LRMDA: variants seen among roughly 807,000 people sequenced by gnomAD.
LRMDA encodes the protein leucine-rich melanocyte differentiation-associated protein.
Under a neutral mutation model 29.8 loss-of-function variants are expected in LRMDA, and 18 were observed. The ratio of observed to expected loss-of-function variants is 0.60; its 90% CI spans 0.42 to 0.90. LRMDA has a LOEUF of 0.90. LRMDA is among the 40% of genes least tolerant of loss of function. The pLI, the probability that LRMDA is intolerant of heterozygous loss-of-function variation, is 0.00. For synonymous variants in LRMDA, 125 were observed against 109.4 expected (o/e 1.14, Z -0.89); for missense variants, 273 against 273.9 (o/e 1.00, Z 0.02).
intron 6 of LRMDA, among the ~76,000 whole-genome samples, chr10:76,329,447 T>G (rs1241977323): frequency 6.6e-6 from 1 of 152,236 alleles, no homozygotes; most frequent in East Asian, 1.9e-4. Context: ...TATGCCATAG[T>G]TAGCTTGCCA....
intron 6 of LRMDA, among the ~76,000 whole-genome samples, chr10:76,513,126 G>A (rs1233366625): frequency 6.6e-6 from 1 of 152,012 alleles, no homozygotes; most frequent in Non-Finnish European, 1.5e-5. Flanking sequence ...AAACTCTTAG[G>A]GGAGTTACCA....
At chr10:76,380,240 A>G (rs1312981795) in intron 6 of LRMDA, among the ~76,000 whole-genome samples, 5 of 152,146 alleles carry the variant, frequency 3.3e-5, no homozygotes, top group Non-Finnish European at 7.3e-5. Flanking sequence ...CTAGAGTTCA[A>G]TTTAAGTTCA....
chr10:75,461,575 A>C (rs1056839101), intron 2 of LRMDA, among the ~76,000 whole-genome samples: 2 of 152,042 alleles, frequency 1.3e-5, no homozygotes, highest in African/African-American at 4.8e-5. Flanking sequence ...TCTCCTAGGG[A>C]GAGTCTAAGG....
intron 6 of LRMDA, among the ~76,000 whole-genome samples, chr10:76,371,494 G>T (rs1244014854): frequency 6.6e-6 from 1 of 151,994 alleles, no homozygotes; most frequent in African/African-American, 2.4e-5. Context: ...CCTAGCTAGT[G>T]CTCAGAGCCT....
At chr10:76,253,430 GAT>G in intron 5 of LRMDA, among the ~76,000 whole-genome samples, 1 of 152,038 alleles carries the variant, frequency 6.6e-6, no homozygotes, top group South Asian at 2.1e-4. Context: ...TGGTCTCACT[GAT>G]CTACCAGCTG....
chr10:76,280,128 T>C (rs1233152511), intron 5 of LRMDA, among the ~76,000 whole-genome samples: 1 of 152,246 alleles, frequency 6.6e-6, no homozygotes, highest in Non-Finnish European at 1.5e-5. Flanking sequence ...CAGGGACACG[T>C]AGAGCCAAGG....
chr10:76,185,414 A>G (rs960611619), intron 5 of LRMDA, among the ~76,000 whole-genome samples: 1 of 152,206 alleles, frequency 6.6e-6, no homozygotes, highest in Admixed American at 6.5e-5. Context: ...AGAAATATGA[A>G]TGATAATACT....
intron 2 of LRMDA, among the ~76,000 whole-genome samples, chr10:75,462,704 C>T (rs1391188310): frequency 6.6e-6 from 1 of 152,130 alleles, no homozygotes; most frequent in Non-Finnish European, 1.5e-5. Context: ...TTATGTTGTG[C>T]TGGTATAATT....
At chr10:76,302,341 G>C (rs1445205731) in intron 5 of LRMDA, among the ~76,000 whole-genome samples, 2 of 152,196 alleles carry the variant, frequency 1.3e-5, no homozygotes, top group Admixed American at 1.3e-4. Flanking sequence ...AATTTCCACA[G>C]CATGTGTTTC....
At chr10:76,535,468 G>C (rs924135330) in intron 6 of LRMDA, among the ~76,000 whole-genome samples, 1 of 152,068 alleles carries the variant, frequency 6.6e-6, no homozygotes, top group Non-Finnish European at 1.5e-5. Flanking sequence ...GCTTAAATAG[G>C]TCACTTAAAT....
intron 1 of LRMDA, among the ~76,000 whole-genome samples, chr10:75,433,885 G>A (rs756206902): frequency 4.6e-5 from 7 of 152,134 alleles, no homozygotes; most frequent in Non-Finnish European, 8.8e-5. Context: ...GATGAATGCT[G>A]CGTGGCTTGA....
intron 5 of LRMDA, among the ~76,000 whole-genome samples, chr10:76,206,890 T>A (rs1851546895): frequency 6.6e-6 from 1 of 152,182 alleles, no homozygotes; most frequent in East Asian, 1.9e-4. Flanking sequence ...CAGTGCCCAT[T>A]TGTCCGGGGC....
At chr10:75,651,317 T>G (rs549203816) in intron 2 of LRMDA, among the ~76,000 whole-genome samples, 1 of 152,174 alleles carries the variant, frequency 6.6e-6, no homozygotes, top group Non-Finnish European at 1.5e-5. Flanking sequence ...CTCTAGGATC[T>G]GGGCAGAAAA....
intron 2 of LRMDA, among the ~76,000 whole-genome samples, chr10:75,686,675 T>A (rs564856104): frequency 2.6e-5 from 4 of 152,366 alleles, no homozygotes; most frequent in African/African-American, 9.6e-5. Context: ...CCACATGTTC[T>A]ATGAACTACA....
At chr10:75,553,225 T>C (rs1470006720) in intron 2 of LRMDA, among the ~76,000 whole-genome samples, 1 of 152,216 alleles carries the variant, frequency 6.6e-6, no homozygotes, top group Non-Finnish European at 1.5e-5. Context: ...GTGTGGGTAG[T>C]TGAGTCAATG....
At chr10:76,304,790 TG>T in intron 5 of LRMDA, among the ~76,000 whole-genome samples, 1 of 152,128 alleles carries the variant, frequency 6.6e-6, no homozygotes, top group Non-Finnish European at 1.5e-5. Flanking sequence ...CAAAGCATGT[TG>T]GGAGGGAGTT....
chr10:75,924,248 C>T (rs1041646919), intron 2 of LRMDA, among the ~76,000 whole-genome samples: 1 of 152,154 alleles, frequency 6.6e-6, no homozygotes, highest in African/African-American at 2.4e-5. Flanking sequence ...GATTTGACAA[C>T]ATCATATTAA....
chr10:75,860,268 G>A (rs530291723), intron 2 of LRMDA, among the ~76,000 whole-genome samples: 3 of 148,516 alleles, frequency 2.0e-5, no homozygotes, highest in South Asian at 2.1e-4. Flanking sequence ...GACTACGCTC[G>A]ATTCCTGTGT....
chr10:76,528,132 C>T (rs941829728), intron 6 of LRMDA, among the ~76,000 whole-genome samples: 1 of 152,092 alleles, frequency 6.6e-6, no homozygotes, highest in Non-Finnish European at 1.5e-5. Context: ...TGGCCCTGTG[C>T]ATTGAGGCTA....
Sources: allele counts gnomAD v4.1 joint callset (sites outside exome capture counted in the v4.1 genomes callset), GRCh38; gene constraint gnomAD v4.1.1; transcripts MANE v1.5; gene names NCBI Gene and HGNC (gene_info 2026-07-23, HGNC 2026-07-21).